The following RBFOX1 variants were observed in gnomAD, a reference collection of about 807,000 sequenced individuals.
RBFOX1 encodes RNA binding protein fox-1 homolog 1.
RBFOX1 carries 8 observed loss-of-function variants against 57.7 expected under a neutral mutation model. The ratio of observed to expected loss-of-function variants is 0.14; its 90% CI spans 0.08 to 0.25. The LOEUF is 0.25. RBFOX1 is among the 10% of genes least tolerant of loss of function. The pLI is 1.00. For missense variants in RBFOX1, 611 were observed against 548.5 expected (o/e 1.11, Z -1.14); for synonymous variants, 326 against 222.4 (o/e 1.47, Z -4.15).
chr16:7,105,610 T>A (rs184252272), intron 4 of RBFOX1, among the ~76,000 whole-genome samples: 9 of 152,228 alleles, frequency 5.9e-5, no homozygotes, highest in Admixed American at 4.6e-4. Flanking sequence ...TAGTCTGCAA[T>A]CTCATCCAGG....
intron 1 of RBFOX1, among the ~76,000 whole-genome samples, chr16:6,031,560 CAT>C (rs1332441424): frequency 6.6e-6 from 1 of 151,694 alleles, no homozygotes; most frequent in Admixed American, 6.6e-5. Context: ...TGTATGTGCA[CAT>C]GAGTGGATGT....
intron 3 of RBFOX1, among the ~76,000 whole-genome samples, chr16:5,771,730 C>T (rs74249603): frequency 0.019 from 2,890 of 152,258 alleles, 233 homozygotes; most frequent in East Asian, 0.13. Context: ...ATTTTGGTAT[C>T]AGGCATGTGA....
intron 4 of RBFOX1, among the ~76,000 whole-genome samples, chr16:7,060,245 A>G (rs558800239): frequency 9.9e-5 from 15 of 152,200 alleles, no homozygotes; most frequent in African/African-American, 2.2e-4. Flanking sequence ...GATTGAGGCT[A>G]TGTCTCAATA....
At chr16:6,914,666 G>A (rs556907969) in intron 3 of RBFOX1, among the ~76,000 whole-genome samples, 1 of 152,118 alleles carries the variant, frequency 6.6e-6, no homozygotes, top group African/African-American at 2.4e-5. Context: ...TTGAGGCCAC[G>A]AGTTCAAGAT....
intron 2 of RBFOX1, among the ~76,000 whole-genome samples, chr16:5,507,198 C>G (rs550438895): frequency 6.6e-6 from 1 of 152,232 alleles, no homozygotes; most frequent in South Asian, 2.1e-4. Context: ...ATGCCTGGCA[C>G]CGAATAAGCA....
At chr16:6,977,133 A>G (rs1010919590) in intron 3 of RBFOX1, among the ~76,000 whole-genome samples, 7 of 136,994 alleles carry the variant, frequency 5.1e-5, no homozygotes, top group Admixed American at 4.6e-4. Context: ...CATATATATG[A>G]TATATATTAT....
At chr16:6,756,021 G>A (rs959465362) in intron 3 of RBFOX1, among the ~76,000 whole-genome samples, 15 of 152,252 alleles carry the variant, frequency 9.9e-5, no homozygotes, top group East Asian at 3.9e-4. Context: ...CATCAGCCCC[G>A]TTTGGATGAC....
At chr16:7,418,673 C>T (rs1427040824) in intron 4 of RBFOX1, among the ~76,000 whole-genome samples, 1 of 152,112 alleles carries the variant, frequency 6.6e-6, no homozygotes. Context: ...TTTTTACTCC[C>T]TTACTTTTGC....
chr16:5,698,974 C>T (rs755770790), intron 3 of RBFOX1, among the ~76,000 whole-genome samples: 1 of 140,070 alleles, frequency 7.1e-6, no homozygotes, highest in African/African-American at 2.6e-5. Context: ...ATAAACAGCA[C>T]CTGGTTGGAT....
intron 3 of RBFOX1, among the ~76,000 whole-genome samples, chr16:5,844,056 C>T (rs2056690975): frequency 6.6e-6 from 1 of 152,150 alleles, no homozygotes; most frequent in Admixed American, 6.5e-5. Flanking sequence ...GAACCCAATT[C>T]CTGGGCTGCC....
At chr16:7,535,704 A>G (rs886664474) in intron 5 of RBFOX1, among the ~76,000 whole-genome samples, 5 of 152,180 alleles carry the variant, frequency 3.3e-5, no homozygotes, top group Non-Finnish European at 5.9e-5. Context: ...ATACTTACTG[A>G]ACTCCTACTA....
chr16:5,316,075 G>A (rs2064230043), intron 1 of RBFOX1, among the ~76,000 whole-genome samples: 1 of 152,152 alleles, frequency 6.6e-6, no homozygotes, highest in African/African-American at 2.4e-5. Context: ...TACATTGGCT[G>A]CTTTTCCGCT....
rs532497706 is a variant in RBFOX1 at position 7,125,859 on chromosome 16, G to C, written c.27+73761G>C. Reference sequence around the variant, plus strand: ...GCACTTTGGGAGGCTGCGGTGGGTGGATTACCTGAGGTCAGGAGTTCAAGA... The same window carrying C: ...GCACTTTGGGAGGCTGCGGTGGGTGCATTACCTGAGGTCAGGAGTTCAAGA... On this transcript the variant is annotated intron_variant, in intron 4 of 15. Coordinates refer to ENST00000550418, the MANE Select transcript of RBFOX1 (RefSeq NM_018723.4). Among the ~76,000 whole-genome samples the C allele has an allele frequency of 4.6e-5, 7 of 152,214 alleles. No homozygotes were observed. In the South Asian group the frequency reaches 1.5e-3, roughly 32 times the overall value.
chr16:7,479,524 A>G (rs1237935276), intron 4 of RBFOX1, among the ~76,000 whole-genome samples: 7 of 152,154 alleles, frequency 4.6e-5, no homozygotes, highest in Non-Finnish European at 7.4e-5. Flanking sequence ...TGTCTATGGG[A>G]AAGGACTCAA....
At chr16:6,767,947 T>TAATAATAATAATAAG (rs1410744665) in intron 3 of RBFOX1, among the ~76,000 whole-genome samples, 65 of 101,036 alleles carry the variant, frequency 6.4e-4, no homozygotes, top group South Asian at 2.9e-3. Flanking sequence ...ATAATAATAA[T>TAATAATAATAATAAG]AAGAAGAAGA....
intron 3 of RBFOX1, among the ~76,000 whole-genome samples, chr16:6,952,937 C>T (rs2081059343): frequency 6.6e-6 from 1 of 151,870 alleles, no homozygotes; most frequent in Non-Finnish European, 1.5e-5. Flanking sequence ...TGCCCCATTG[C>T]ACTCCAGCCT....
At position 5,643,213 on chromosome 16, in the gene RBFOX1, A is replaced by T. The variant is rs12599359; in HGVS notation, c.318+44252A>T. 7.5e-3 allele frequency among the ~76,000 whole-genome samples: 1,140 copies of T among 152,338 alleles called. 33 individuals carry two copies. The East Asian group carries it at 0.11, about 15-fold the overall frequency. On this transcript the variant is annotated intron_variant, in intron 3 of 19. Coordinates refer to the RBFOX1 transcript ENST00000641259. ...GAGGGTGAGGAACTTGCCTAAAGTT[A>T]CATGGCACATGGGCAGGTGAGCCCC...
intron 1 of RBFOX1, among the ~76,000 whole-genome samples, chr16:6,277,983 A>T (rs1233648928): frequency 6.6e-6 from 1 of 152,148 alleles, no homozygotes; most frequent in African/African-American, 2.4e-5. Flanking sequence ...TGGGTAGGTG[A>T]TGAGGTTCCG....
intron 3 of RBFOX1, among the ~76,000 whole-genome samples, chr16:6,871,160 G>T (rs139171903): frequency 6.6e-6 from 1 of 152,266 alleles, no homozygotes; most frequent in Non-Finnish European, 1.5e-5. Flanking sequence ...TAAACCAACT[G>T]AAGTTTAATT....
Sources: allele counts gnomAD v4.1 joint callset (sites outside exome capture counted in the v4.1 genomes callset), GRCh38; gene constraint gnomAD v4.1.1; transcripts MANE v1.5; gene names NCBI Gene and HGNC (gene_info 2026-07-23, HGNC 2026-07-21).